ATPSCKMT: variants seen among roughly 807,000 people sequenced by gnomAD.
ATPSCKMT encodes the protein ATP synthase c subunit lysine N-methyltransferase.
Under a neutral mutation model 24.3 loss-of-function variants are expected in ATPSCKMT, and 24 were observed. That is an observed-to-expected ratio of 0.99 (90% confidence interval 0.71 to 1.39). The LOEUF (loss-of-function observed/expected upper bound fraction) is 1.39. Among genes scored for constraint, ATPSCKMT ranks in the 40% most tolerant of loss-of-function variants. The pLI is 0.00. For synonymous variants in ATPSCKMT, 95 were observed against 110.5 expected, an observed-to-expected ratio of 0.86 and a Z score of 0.88; for missense variants, 311 against 298.4, an observed-to-expected ratio of 1.04 and a Z score of -0.31.
chr5:10,234,874 G>A (rs1744303745), intron 4 of ATPSCKMT, among the ~76,000 whole-genome samples: 1 of 152,278 alleles, frequency 6.6e-6, no homozygotes, highest in African/African-American at 2.4e-5. Context: ...TTAACTTTCC[G>A]GAGCGATTTC....
At chr5:10,230,827 G>C (rs1744096685) in intron 4 of ATPSCKMT, among the ~76,000 whole-genome samples, 1 of 152,028 alleles carries the variant, frequency 6.6e-6, no homozygotes, top group Non-Finnish European at 1.5e-5. Context: ...AAGTCCTACT[G>C]GTTGCCCCTA....
At chr5:10,244,162 A>AT (rs1219702980) in intron 1 of ATPSCKMT, among the ~76,000 whole-genome samples, 3 of 152,232 alleles carry the variant, frequency 2.0e-5, no homozygotes, top group Admixed American at 2.0e-4. Context: ...ACATTTATCG[A>AT]TTAAGTTCAC....
At chr5:10,238,993 G>A (rs1744499011) in intron 2 of ATPSCKMT, 74 bp downstream of exon 2, 1 of 1,512,044 alleles carries the variant, frequency 6.6e-7, no homozygotes, top group Non-Finnish European at 8.9e-7. Context: ...AAGTCTTTGT[G>A]TAAGCCTTAC....
chr5:10,244,417 G>C (rs961840602), intron 1 of ATPSCKMT: 1 of 152,102 alleles, frequency 6.6e-6, no homozygotes, highest in Non-Finnish European at 1.5e-5. Flanking sequence ...TACTGAATGG[G>C]GCATGTTGGT....
intron 1 of ATPSCKMT, among the ~76,000 whole-genome samples, chr5:10,240,392 A>G (rs1439698762): frequency 6.6e-6 from 1 of 152,150 alleles, no homozygotes; most frequent in Non-Finnish European, 1.5e-5. Context: ...GGATCTCAAG[A>G]TTTTGAAATT....
At position 10,249,870 on chromosome 5, in the gene ATPSCKMT, C is replaced by T. The variant is rs769381815; in HGVS notation, c.4G>A (p.Glu2Lys). Residue 2 changes from glutamate to lysine, a missense_variant, in exon 1 of 5, where the codon GAG becomes AAG. Coordinates refer to ENST00000511437, the MANE Select transcript of ATPSCKMT (RefSeq NM_199133.4). ...GCTCCAGCCTCACCTCCTCCTCCCTCCATCGCGAGATTTCCAACAGCGTTT... is the reference window on the plus strand; with the variant it reads ...GCTCCAGCCTCACCTCCTCCTCCCTTCATCGCGAGATTTCCAACAGCGTTT... M[E>K]GGGGIPLETL... 243 of 1,548,726 alleles carry T rather than the reference C, an allele frequency of 1.6e-4. No individual in the cohort carries two copies. The highest frequency in any genetic ancestry group is 2.0e-4 in the Non-Finnish European group (226 of 1,153,158).
intron 2 of ATPSCKMT, among the ~76,000 whole-genome samples, chr5:10,237,725 C>T (rs1022047689): frequency 6.6e-6 from 1 of 151,722 alleles, no homozygotes; most frequent in South Asian, 2.1e-4. Context: ...ATGTCTTTAT[C>T]AGCAGCATGA....
At chr5:10,244,780 C>A (rs1744815707) in intron 1 of ATPSCKMT, among the ~76,000 whole-genome samples, 1 of 151,962 alleles carries the variant, frequency 6.6e-6, no homozygotes, top group Non-Finnish European at 1.5e-5. Context: ...TGGTGGCATG[C>A]ACTTGTAGTC....
chr5:10,236,142 C>T (rs1744362125), intron 3 of ATPSCKMT: 1 of 198,044 alleles, frequency 5.0e-6, no homozygotes, highest in African/African-American at 2.4e-5. Flanking sequence ...CACAGGCACA[C>T]AAATGGAAAA....
chr5:10,227,088 T>C lies in ATPSCKMT; in HGVS notation c.*353A>G, dbSNP rs1037507603. 10 of 255,562 alleles carry C rather than the reference T, an allele frequency of 3.9e-5. No homozygotes were observed. Among genetic ancestry groups the C allele is most frequent in the Non-Finnish European group, 6.9e-5 (9 of 129,690 alleles). 15.8% of individuals were successfully genotyped at this position (255,562 alleles called of 1,614,324 possible). ...ACTACAAACAGTTGGTAATATATAC[T>C]GTCTTTAAAAATCATTTCTCCTTAT... On this transcript the variant is annotated 3_prime_UTR_variant, in exon 5 of 5. Transcript: ENST00000511437.
chr5:10,246,790 A>G (rs1744951924), intron 1 of ATPSCKMT, among the ~76,000 whole-genome samples: 1 of 152,210 alleles, frequency 6.6e-6, no homozygotes, highest in Admixed American at 6.5e-5. Context: ...CCTCCCATCT[A>G]GGCAGATGAG....
At chr5:10,234,527 A>G (rs554304442) in intron 4 of ATPSCKMT, among the ~76,000 whole-genome samples, 2 of 152,334 alleles carry the variant, frequency 1.3e-5, no homozygotes, top group Admixed American at 6.5e-5. Flanking sequence ...CCTATCAGCT[A>G]TATCACAGCA....
chr5:10,244,181 G>T (rs984991434), intron 1 of ATPSCKMT, among the ~76,000 whole-genome samples: 3 of 152,112 alleles, frequency 2.0e-5, no homozygotes, highest in African/African-American at 7.2e-5. Flanking sequence ...ACTCTTATTT[G>T]GGCATGGCTT....
chr5:10,249,740 C>T, intron 1 of ATPSCKMT, 118 bp downstream of exon 1: 1 of 1,440,298 alleles, frequency 6.9e-7, no homozygotes, highest in Non-Finnish European at 9.3e-7. Context: ...GAGGCCAGAG[C>T]AGCCGCCCGC....
chr5:10,241,468 G>A (rs1188000724), intron 1 of ATPSCKMT, among the ~76,000 whole-genome samples: 1 of 152,190 alleles, frequency 6.6e-6, no homozygotes, highest in African/African-American at 2.4e-5. Flanking sequence ...AGGGCAGCCA[G>A]CCAATCGCCA....
At position 10,227,158 on chromosome 5, in the gene ATPSCKMT, A is replaced by T. The variant is rs745402371; in HGVS notation, c.*283T>A. The T allele has an allele frequency of 2.6e-4, 111 of 421,910 alleles. 1 individual carries two copies. The highest frequency in any genetic ancestry group is 6.9e-4 in the South Asian group (29 of 42,054). 26.1% of individuals were successfully genotyped at this position (421,910 alleles called of 1,614,324 possible). ...GTTTATAATGTGAAGAGCTATTGGC[A>T]TCTTATTTTCCTACCCATAACCATG... On this transcript the variant is annotated 3_prime_UTR_variant, in exon 5 of 5. Coordinates refer to ENST00000511437, the MANE Select transcript of ATPSCKMT (RefSeq NM_199133.4).
chr5:10,228,712 ATT>A, intron 4 of ATPSCKMT, among the ~76,000 whole-genome samples: 1 of 151,876 alleles, frequency 6.6e-6, no homozygotes, highest in East Asian at 1.9e-4. Flanking sequence ...TTGAGACAAG[ATT>A]TATCGCCCAG....
intron 2 of ATPSCKMT, 111 bp from the exon 3 acceptor site, chr5:10,236,726 T>A: frequency 6.7e-7 from 1 of 1,495,334 alleles, no homozygotes. Flanking sequence ...AAAAAGCACC[T>A]CCCGTGACTA....
chr5:10,238,625 G>A (rs1744483400), intron 2 of ATPSCKMT, among the ~76,000 whole-genome samples: 1 of 152,162 alleles, frequency 6.6e-6, no homozygotes. Flanking sequence ...GGCTTAGTGA[G>A]GGTTAATCAC....
Sources: allele counts gnomAD v4.1 joint callset (sites outside exome capture counted in the v4.1 genomes callset), GRCh38; gene constraint gnomAD v4.1.1; transcripts MANE v1.5; gene names NCBI Gene and HGNC (gene_info 2026-07-23, HGNC 2026-07-21).